The following ALDH2 variants were observed in gnomAD, a reference collection of about 807,000 sequenced individuals.
ALDH2 encodes aldehyde dehydrogenase 2 family member.
Under a neutral mutation model 59.6 loss-of-function variants are expected in ALDH2, and 44 were observed. The observed-to-expected ratio is 0.74, with a 90% confidence interval of 0.58 to 0.95. The LOEUF is 0.95. Ranked by LOEUF, ALDH2 falls within the 40% of genes least tolerant of loss-of-function variation. ALDH2 has a pLI of 0.00. For missense variants in ALDH2, 570 were observed against 696.3 expected (o/e 0.82, Z 2.04); for synonymous variants, 291 against 284.0 (o/e 1.02, Z -0.25).
chr12:111,789,502 A>AC (rs1229713103), intron 4 of ALDH2, among the ~76,000 whole-genome samples: 1 of 150,228 alleles, frequency 6.7e-6, no homozygotes. Flanking sequence ...AAAAAAAAAA[A>AC]AAGAAAAGAA....
rs1164175244 is a variant in ALDH2, at chr12:111,791,211, G to T, written c.682-95G>T. On this transcript the variant is annotated intron_variant, in intron 6 of 12. Transcript: ENST00000261733. ...TGACCACATGTGTCCTTGGCAGACTGTCCCACCCTCTCTGAGAAAGGATGT... is the reference window on the plus strand; with the variant it reads ...TGACCACATGTGTCCTTGGCAGACTTTCCCACCCTCTCTGAGAAAGGATGT... 3.3e-6 allele frequency: 3 copies of T among 917,214 alleles called. No homozygotes were observed. In the African/African-American group the frequency reaches 4.9e-5, roughly 15 times the overall value. 56.8% of individuals were successfully genotyped at this position (917,214 alleles called of 1,614,324 possible).
chr12:111,806,252 G>A (rs1405846280), intron 12 of ALDH2, among the ~76,000 whole-genome samples: 2 of 151,744 alleles, frequency 1.3e-5, no homozygotes, highest in African/African-American at 4.8e-5. Flanking sequence ...AGTGGGTGGA[G>A]CTTGCAGTGA....
chr12:111,813,665 G>A lies in ALDH2; in HGVS notation c.*4090G>A, dbSNP rs995365271. 2.0e-5 allele frequency: 3 copies of A among 152,248 alleles called. No individual in the cohort carries two copies. Among genetic ancestry groups the A allele is most frequent in the Non-Finnish European group, 4.4e-5 (3 of 68,046 alleles). 9.4% of individuals were successfully genotyped at this position (152,248 alleles called of 1,614,324 possible). On this transcript the variant is annotated 3_prime_UTR_variant, in exon 13 of 13. Coordinates refer to ENST00000261733, the MANE Select transcript of ALDH2 (RefSeq NM_000690.4). ...AGGAAGTGCTGATGCATGTTGCGAT[G>A]TGGATGAACCTTGAAAACATGATGC...
At chr12:111,781,513 G>A (rs1052088400) in intron 1 of ALDH2, among the ~76,000 whole-genome samples, 30 of 152,328 alleles carry the variant, frequency 2.0e-4, no homozygotes, top group Non-Finnish European at 2.1e-4. Flanking sequence ...AGAGGTGGAT[G>A]ACTATTGGCC....
intron 4 of ALDH2, among the ~76,000 whole-genome samples, chr12:111,786,515 C>A (rs1011302916): frequency 1.3e-4 from 20 of 150,788 alleles, no homozygotes; most frequent in African/African-American, 4.9e-4. Context: ...AGATTAGAGG[C>A]GTGAGCCACC....
intron 12 of ALDH2, among the ~76,000 whole-genome samples, 179 bp downstream of exon 12, chr12:111,804,152 C>G (rs2136027248): frequency 6.6e-6 from 1 of 152,112 alleles, no homozygotes; most frequent in African/African-American, 2.4e-5. Context: ...CAGGGCCTGC[C>G]AGGGATTTAG....
chr12:111,769,783 T>C (rs1195945361), intron 1 of ALDH2, among the ~76,000 whole-genome samples: 3 of 152,030 alleles, frequency 2.0e-5, no homozygotes. Context: ...GCCTTATTGC[T>C]GACTCAGCAG....
intron 1 of ALDH2, among the ~76,000 whole-genome samples, chr12:111,772,312 C>T (rs1033643786): frequency 5.3e-5 from 8 of 152,162 alleles, no homozygotes; most frequent in African/African-American, 1.9e-4. Context: ...TTTGTGCTGA[C>T]TGAATCTCCC....
In ALDH2 at chr12:111,798,246, A is replaced by C. The variant is rs1195289671; in HGVS notation, c.1248+4A>C. On this transcript the variant is annotated splice_donor_region_variant and intron_variant, in intron 10 of 12. Coordinates refer to ENST00000261733, the MANE Select transcript of ALDH2 (RefSeq NM_000690.4). ...CATGACCATCGCCAAGGAGGAGGTG[A>C]GCACTTGGGGCCAGTGCTCTGGAAA... is the stretch of plus-strand genomic sequence containing the variant. The C allele has an allele frequency of 6.5e-7, 1 of 1,549,880 alleles. No individual in the cohort carries two copies. Among genetic ancestry groups the C allele is most frequent in the East Asian group, 2.3e-5 (1 of 43,758 alleles).
intron 11 of ALDH2, among the ~76,000 whole-genome samples, chr12:111,800,697 G>A (rs12322000): frequency 9.9e-5 from 15 of 152,044 alleles, no homozygotes; most frequent in East Asian, 1.9e-4. Flanking sequence ...TGGAGAAATC[G>A]GAACCCTCCT....
chr12:111,790,074 G>A (rs942040448), intron 5 of ALDH2, 140 bp downstream of exon 5: 15 of 740,112 alleles, frequency 2.0e-5, no homozygotes, highest in Admixed American at 1.9e-4. Context: ...AAGCCAATCC[G>A]GTTTGAGTCT....
In ALDH2 at chr12:111,792,043, G is replaced by A; in HGVS notation, c.796-18G>A. 6.5e-7 allele frequency: 1 copy of A among 1,544,640 alleles called. No homozygotes were observed. Among genetic ancestry groups the A allele is most frequent in the Non-Finnish European group, 8.9e-7 (1 of 1,117,536 alleles). On this transcript the variant is annotated intron_variant, in intron 7 of 12. Transcript: ENST00000261733. ...CTCCCGGCACTGAGAGCTTGTTCCT[G>A]TCTTTCTGTCCCCACAGATTGGCCG...
chr12:111,769,506 A>G (rs536532796), intron 1 of ALDH2, among the ~76,000 whole-genome samples: 1 of 152,254 alleles, frequency 6.6e-6, no homozygotes, highest in South Asian at 2.1e-4. Flanking sequence ...TCTCTTGTAG[A>G]CATTTTGTTT....
rs1315152201 is a variant in ALDH2 at position 111,789,942 on chromosome 12, C to T, written c.552+8C>T. The stretch of plus-strand genomic sequence containing the variant: ...TGCGGGCAGATCATTCCGGTGAGTC[C>T]AGCCTCCCTGGAGTTTCTTCAGGGT... On this transcript the variant is annotated splice_region_variant and intron_variant, in intron 5 of 12. Transcript: ENST00000261733. 10 of 1,612,026 alleles carry T rather than the reference C, an allele frequency of 6.2e-6. No individual in the cohort carries two copies. The highest frequency in any genetic ancestry group is 7.6e-6 in the Non-Finnish European group (9 of 1,178,392).
rs140143970 is a variant in ALDH2, at chr12:111,794,329, T to C, written c.1083+1547T>C. Among the ~76,000 whole-genome samples the C allele has an allele frequency of 1.2e-4, 19 of 152,136 alleles. No individual in the cohort carries two copies. The East Asian group carries it at 3.7e-3, about 29-fold the overall frequency. On this transcript the variant is annotated intron_variant, in intron 9 of 12. Coordinates refer to ENST00000261733, the MANE Select transcript of ALDH2 (RefSeq NM_000690.4). ...CATTGTGCCTGGCCGATCTTTTTAT[T>C]GTCTCTATAGTTTTGCCTTTTCCAG...
chr12:111,771,026 C>G (rs1398451918), intron 1 of ALDH2, among the ~76,000 whole-genome samples: 1 of 151,858 alleles, frequency 6.6e-6, no homozygotes, highest in Non-Finnish European at 1.5e-5. Context: ...GCAATCTTCC[C>G]TCCTTGGCCT....
intron 2 of ALDH2, among the ~76,000 whole-genome samples, chr12:111,782,446 G>T (rs151127608): frequency 9.5e-4 from 145 of 152,390 alleles, no homozygotes; most frequent in African/African-American, 3.3e-3. Context: ...TTGGCCGGGC[G>T]CAGTGGCGCA....
chr12:111,810,275 G>A lies in ALDH2; in HGVS notation c.*700G>A, dbSNP rs561496548. 1 of 152,550 alleles carries A rather than the reference G, an allele frequency of 6.6e-6. No homozygotes were observed. The highest frequency in any genetic ancestry group is 2.4e-5 in the African/African-American group (1 of 41,578). The allele number at this position is 152,550 out of a possible 1,614,324, so 9.4% of individuals were successfully genotyped here. ...GTGGAGATCATGCCACTGCACTCCAGCCTGGGAGTCAGAGCGAGACTCCAT... is the reference window on the plus strand; with the variant it reads ...GTGGAGATCATGCCACTGCACTCCAACCTGGGAGTCAGAGCGAGACTCCAT... On this transcript the variant is annotated 3_prime_UTR_variant, in exon 13 of 13. Coordinates refer to ENST00000261733, the MANE Select transcript of ALDH2 (RefSeq NM_000690.4).
At position 111,791,181 on chromosome 12, in the gene ALDH2, G is replaced by A. The variant is rs534127667; in HGVS notation, c.682-125G>A. 193 of 687,078 alleles carry A rather than the reference G, an allele frequency of 2.8e-4. 1 individual carries two copies. Among genetic ancestry groups the A allele is most frequent in the African/African-American group, 2.3e-3 (131 of 56,104 alleles). 42.6% of individuals were successfully genotyped at this position (687,078 alleles called of 1,614,324 possible). ...TCCCATGTAGTGCCCCATACAATTAGCTTCTGACCACATGTGTCCTTGGCA... is the reference window on the plus strand; with the variant it reads ...TCCCATGTAGTGCCCCATACAATTAACTTCTGACCACATGTGTCCTTGGCA... On this transcript the variant is annotated intron_variant, in intron 6 of 12. Transcript: ENST00000261733.
Sources: gnomAD v4.1 joint callset for allele counts (sites outside exome capture counted in the v4.1 genomes callset) on GRCh38, gnomAD v4.1.1 for gene constraint, MANE v1.5 for transcripts, NCBI Gene and HGNC (gene_info 2026-07-23, HGNC 2026-07-21) for gene names.